UNKL: variants seen among roughly 807,000 people sequenced by gnomAD.
UNKL encodes the protein putative E3 ubiquitin-protein ligase UNKL.
Under a neutral mutation model 78.0 loss-of-function variants are expected in UNKL, and 60 were observed. That is an observed-to-expected ratio of 0.77 (90% CI 0.63 to 0.95). UNKL has a LOEUF of 0.95. Among genes scored for constraint, UNKL ranks in the 40% least tolerant of loss-of-function variants. UNKL has a pLI of 0.00. For synonymous variants in UNKL, 608 were observed against 474.8 expected, an observed-to-expected ratio of 1.28 and a Z score of -3.65; for missense variants, 1,159 against 1,045.7, an observed-to-expected ratio of 1.11 and a Z score of -1.49.
At chr16:1,370,778 C>G (rs556031036) in intron 11 of UNKL, among the ~76,000 whole-genome samples, 28 of 152,228 alleles carry the variant, frequency 1.8e-4, no homozygotes, top group African/African-American at 5.5e-4. Context: ...ATGTTGTATA[C>G]GATGTTAAGA....
chr16:1,410,733 A>G (rs2038003945), intron 2 of UNKL, among the ~76,000 whole-genome samples: 1 of 152,236 alleles, frequency 6.6e-6, no homozygotes, highest in Admixed American at 6.5e-5. Context: ...AGGTCTGGGC[A>G]GATAAGGGGC....
intron 2 of UNKL, among the ~76,000 whole-genome samples, chr16:1,409,381 C>A (rs942633337): frequency 7.3e-6 from 1 of 137,868 alleles, no homozygotes; most frequent in Non-Finnish European, 1.5e-5. Flanking sequence ...AAGTCCCACT[C>A]CCGTGGAATG....
In UNKL at chr16:1,364,623, C is replaced by T. The variant is rs1308277116; in HGVS notation, c.*1617G>A. 1 of 151,676 alleles carries T rather than the reference C, an allele frequency of 6.6e-6. No individual in the cohort carries two copies. The highest frequency in any genetic ancestry group is 1.5e-5 in the Non-Finnish European group (1 of 68,010). The allele number at this position is 151,676 out of a possible 1,614,324, so 9.4% of individuals were successfully genotyped here. A position where few individuals can be genotyped will look rare whatever the true frequency, so the allele number is the denominator to read the frequency against. ...TGCTGCGGCCGAAACCACACTGTCG[C>T]TCCAGGGGCAGACGGGACAGGGGAC... On this transcript the variant is annotated 3_prime_UTR_variant, in exon 15 of 15. Coordinates refer to ENST00000389221, the MANE Select transcript of UNKL (RefSeq NM_001372107.1).
Position 1,413,975 on chromosome 16 carries a change from A to C in UNKL, c.158T>G (p.Phe53Cys). The change falls in exon 2 of 15, where the codon TTC (phenylalanine) becomes TGC (cysteine). Residue 53 changes from phenylalanine to cysteine, a missense_variant. Phe to Cys is a radical substitution (Grantham distance 205). Coordinates refer to ENST00000389221, the MANE Select transcript of UNKL (RefSeq NM_001372107.1). ...KCAQHRPFTCFHWHFLNQRRR... is the reference protein window; with the variant it reads ...KCAQHRPFTCCHWHFLNQRRR... ...CCGCTGGTTGAGGAAGTGCCAGTGG[A>C]AGCAGGTGAACGGCCGGTGCTGCGC... The C allele has an allele frequency of 6.4e-7, 1 of 1,552,558 alleles. No individual in the cohort carries two copies. The highest frequency in any genetic ancestry group is 8.7e-7 in the Non-Finnish European group (1 of 1,147,930).
chr16:1,379,474 G>C lies in UNKL; in HGVS notation c.1264+5734C>G, dbSNP rs1391680261. Reference sequence around the variant, plus strand: ...CGCCTTCGCCTCGCTCCGGGCCTCTGAGAAGCCCGGGCCCACCCCGCGGCT... The same window carrying C: ...CGCCTTCGCCTCGCTCCGGGCCTCTCAGAAGCCCGGGCCCACCCCGCGGCT... On this transcript the variant is annotated intron_variant, in intron 10 of 14. Transcript: ENST00000389221. 4.1e-6 allele frequency: 4 copies of C among 984,728 alleles called. No individual in the cohort carries two copies. In the East Asian group the frequency reaches 3.4e-4, roughly 84 times the overall value. 61.0% of individuals were successfully genotyped at this position (984,728 alleles called of 1,614,324 possible).
chr16:1,385,303 G>C lies in UNKL; in HGVS notation c.1169C>G (p.Ala390Gly), dbSNP rs1310695500. ...SSVASSLASS[A>G]GSGSSSPTAL... ...AGTGGGGGAGGAGCTGCCGGAGCCG[G>C]CGCTGGACGCCAGGCTGGACGCCAC... The change falls in exon 10 of 15, where the codon GCC (alanine) becomes GGC (glycine). Residue 390 changes from alanine to glycine, a missense_variant. By Grantham distance (60) the Ala-to-Gly change is moderately conservative. Coordinates refer to ENST00000389221, the MANE Select transcript of UNKL (RefSeq NM_001372107.1). 1.4e-6 allele frequency: 2 copies of C among 1,391,898 alleles called. No homozygotes were observed. The highest frequency in any genetic ancestry group is 3.2e-5 in the South Asian group (2 of 63,390). The allele number at this position is 1,391,898 out of a possible 1,614,324, so 86.2% of individuals were successfully genotyped here. A position where few individuals can be genotyped will look rare whatever the true frequency, so the allele number is the denominator to read the frequency against.
In UNKL at chr16:1,403,777, G is replaced by C. The variant is rs1244834691; in HGVS notation, c.288-433C>G. 6.6e-6 allele frequency among the ~76,000 whole-genome samples: 1 copy of C among 152,188 alleles called. No homozygotes were observed. The highest frequency in any genetic ancestry group is 1.5e-5 in the Non-Finnish European group (1 of 68,026). ...ACAAAGTGGGGGCCCCTCCTGCCCA[G>C]CGTCCTGCTGCTTTCAGGGACCCCA... On this transcript the variant is annotated intron_variant, in intron 2 of 14. Coordinates refer to ENST00000389221, the MANE Select transcript of UNKL (RefSeq NM_001372107.1). This position sits in a 1 kb window ranked among gnomAD's most constrained non-coding sequence, Gnocchi z 4.8.
chr16:1,394,056 A>G, intron 7 of UNKL, 75 bp downstream of exon 7: 1 of 1,463,364 alleles, frequency 6.8e-7, no homozygotes, highest in Non-Finnish European at 9.3e-7. Flanking sequence ...GCTCCGGGTC[A>G]TCGGTAACTC....
chr16:1,366,720 C>G (rs1285050815), intron 14 of UNKL, among the ~76,000 whole-genome samples: 3 of 152,206 alleles, frequency 2.0e-5, no homozygotes, highest in African/African-American at 7.2e-5. Context: ...TGTCCTATAG[C>G]AGCGAGTCCA....
chr16:1,381,801 G>C (rs1327097848), intron 10 of UNKL, among the ~76,000 whole-genome samples: 1 of 152,138 alleles, frequency 6.6e-6, no homozygotes, highest in Non-Finnish European at 1.5e-5. Context: ...GTTCTCACCG[G>C]GCCCGGTGGT....
chr16:1,367,508 C>CTCA, intron 13 of UNKL, 148 bp downstream of exon 13: 1 of 699,840 alleles, frequency 1.4e-6, no homozygotes, highest in Non-Finnish European at 2.1e-6. Context: ...CTCCCTCCCT[C>CTCA]CCTCCCCCTC....
chr16:1,402,315 G>A lies in UNKL; in HGVS notation c.465-614C>T, dbSNP rs150338980. Among the ~76,000 whole-genome samples, 708 of 152,120 alleles carry A rather than the reference G, an allele frequency of 4.7e-3. 8 individuals carry two copies. Among genetic ancestry groups the A allele is most frequent in the African/African-American group, 0.016 (661 of 41,376 alleles). On this transcript the variant is annotated intron_variant, in intron 3 of 14. Coordinates refer to ENST00000389221, the MANE Select transcript of UNKL (RefSeq NM_001372107.1). ...CCTCAACCCCAGTGAGCTGCCCTCC[G>A]GGCCCAGAAGAGAAACACACAGTGA...
chr16:1,374,508 C>T (rs1056907209), intron 10 of UNKL, among the ~76,000 whole-genome samples: 2 of 152,188 alleles, frequency 1.3e-5, no homozygotes, highest in Non-Finnish European at 2.9e-5. Context: ...CTGTCAGACC[C>T]GACCGTGGGG....
rs1270537244 is a variant in UNKL at position 1,364,167 on chromosome 16, G to C, written c.*2073C>G. 1 of 152,318 alleles carries C rather than the reference G, an allele frequency of 6.6e-6. No homozygotes were observed. The highest frequency in any genetic ancestry group is 2.4e-5 in the African/African-American group (1 of 41,572). The allele number at this position is 152,318 out of a possible 1,614,324, so 9.4% of individuals were successfully genotyped here. A position where few individuals can be genotyped will look rare whatever the true frequency, so the allele number is the denominator to read the frequency against. On this transcript the variant is annotated 3_prime_UTR_variant, in exon 15 of 15. Transcript: ENST00000389221. ...CTAGATACTGAGCTAATAAATCACT[G>C]TAGTTAAAAACAAAATAGATTCACT... is the stretch of plus-strand genomic sequence containing the variant.
At chr16:1,404,237 C>T (rs770600602) in intron 2 of UNKL, among the ~76,000 whole-genome samples, 1 of 152,342 alleles carries the variant, frequency 6.6e-6, no homozygotes, top group Non-Finnish European at 1.5e-5. Context: ...GCCGTCACTG[C>T]AGGCCCCCAA....
At chr16:1,366,786 T>C (rs1450867534) in intron 14 of UNKL, among the ~76,000 whole-genome samples, 1 of 151,702 alleles carries the variant, frequency 6.6e-6, no homozygotes, top group Non-Finnish European at 1.5e-5. Flanking sequence ...GGAGGGGTCA[T>C]GTGTGAGGGT....
At chr16:1,389,635 G>T (rs1289555517) in intron 9 of UNKL, among the ~76,000 whole-genome samples, 1 of 152,138 alleles carries the variant, frequency 6.6e-6, no homozygotes, top group Non-Finnish European at 1.5e-5. Flanking sequence ...TGGGGGCAGG[G>T]CCCTACGCAG....
At chr16:1,370,798 A>G (rs183643537) in intron 11 of UNKL, among the ~76,000 whole-genome samples, 24 of 152,260 alleles carry the variant, frequency 1.6e-4, no homozygotes, top group African/African-American at 4.8e-4. Flanking sequence ...ATACATTTGT[A>G]TGGGGCCGGG....
At chr16:1,405,915 A>C (rs954951490) in intron 2 of UNKL, 53 of 456,284 alleles carry the variant, frequency 1.2e-4, no homozygotes, top group African/African-American at 1.0e-3. Context: ...CCTGAACCCA[A>C]GGAGGGTCCA....
Sources: allele counts gnomAD v4.1 joint callset (sites outside exome capture counted in the v4.1 genomes callset), GRCh38; gene constraint gnomAD v4.1.1; non-coding constraint Gnocchi (gnomAD v3.1); transcripts MANE v1.5; gene names NCBI Gene and HGNC (gene_info 2026-07-23, HGNC 2026-07-21).